Variants in OSBPL3 observed in about 807,000 individuals in gnomAD.
OSBPL3 encodes oxysterol binding protein like 3, also known as oxysterol-binding protein-related protein 3.
In OSBPL3, 65 loss-of-function variants were observed where a neutral mutation model predicts 120.1. That is an observed-to-expected ratio of 0.54 (90% CI 0.44 to 0.67). The LOEUF (loss-of-function observed/expected upper bound fraction) is 0.67, where lower values mean the gene tolerates loss of function less well. OSBPL3 is among the 30% of genes least tolerant of loss of function. The pLI is 0.00. For synonymous variants in OSBPL3, 416 were observed against 402.6 expected (o/e 1.03, Z -0.40); for missense variants, 1,004 against 1,082.1 (o/e 0.93, Z 1.01).
At chr7:24,800,453 CT>C (rs766653677) in intron 22 of OSBPL3, among the ~76,000 whole-genome samples, 174 bp from the exon 23 acceptor site, 16,136 of 119,410 alleles carry the variant, frequency 0.14, 790 homozygotes, top group South Asian at 0.19. Context: ...AATTTTGTTA[CT>C]TTTTTTTTTT....
intron 22 of OSBPL3, among the ~76,000 whole-genome samples, chr7:24,801,034 AG>A (rs1182346832): frequency 6.6e-6 from 1 of 150,524 alleles, no homozygotes; most frequent in Non-Finnish European, 1.5e-5. Context: ...CGAGGTCAGG[AG>A]TTCAAGACCA....
rs1284946263 is a variant in OSBPL3 at position 24,834,653 on chromosome 7, T to C, written c.1579A>G (p.Ser527Gly). The C allele has an allele frequency of 6.2e-7, 1 of 1,614,206 alleles. No individual in the cohort carries two copies. The highest frequency in any genetic ancestry group is 8.5e-7 in the Non-Finnish European group (1 of 1,180,030). ...PAPCPSSSNI[S>G]LWNILRNNIG... is the part of the protein sequence containing the mutation. ...TTGTTCCTCAGGATGTTCCACAGGC[T>C]GATGTTACTGCTGCTCGGGCAGGGC... Residue 527 changes from serine (S) to glycine (G), a missense_variant, in exon 15 of 23, where the codon AGC (serine) becomes GGC (glycine). Around this residue, in one of 4 missense-constraint regions of OSBPL3, gnomAD observed 473 missense variants for 568.0 expected, o/e 0.83. Coordinates refer to ENST00000313367, the MANE Select transcript of OSBPL3 (RefSeq NM_015550.4). The surrounding 1 kb of genome is among the most constrained non-coding windows in gnomAD (Gnocchi z 5.2).
At chr7:24,949,720 C>T (rs1197781712) in intron 1 of OSBPL3, among the ~76,000 whole-genome samples, 2 of 152,090 alleles carry the variant, frequency 1.3e-5, no homozygotes, top group Non-Finnish European at 2.9e-5. Flanking sequence ...CCCAGAAAGG[C>T]GGAAGTACAA....
chr7:24,910,421 C>A (rs1227640157), intron 1 of OSBPL3, among the ~76,000 whole-genome samples: 1 of 152,292 alleles, frequency 6.6e-6, no homozygotes, highest in South Asian at 2.1e-4. Flanking sequence ...ACTTGTCCTT[C>A]AACACCTTAC....
intron 2 of OSBPL3, among the ~76,000 whole-genome samples, chr7:24,887,160 A>G (rs1804644945): frequency 2.0e-5 from 3 of 152,200 alleles, no homozygotes; most frequent in Admixed American, 2.0e-4. Flanking sequence ...TAGCTAAAGG[A>G]ATAGTGGAGC....
chr7:24,845,484 C>T (rs928777132), intron 12 of OSBPL3, among the ~76,000 whole-genome samples: 2 of 141,908 alleles, frequency 1.4e-5, no homozygotes, highest in East Asian at 2.0e-4. Flanking sequence ...TGAATTATGG[C>T]CTTTTTCCAT....
Position 24,815,811 on chromosome 7 carries a change from G to A in OSBPL3, c.2028-608C>T, listed in dbSNP as rs1794399538. Among the ~76,000 whole-genome samples the A allele has an allele frequency of 6.6e-6, 1 of 152,048 alleles. No individual in the cohort carries two copies. The highest frequency in any genetic ancestry group is 2.4e-5 in the African/African-American group (1 of 41,398). The stretch of plus-strand genomic sequence containing the variant: ...TTTATTATTCTCTTTTTCTAGATGG[G>A]GAAACTGGTGATGAGAAAGGTGAAG... On this transcript the variant is annotated intron_variant, in intron 18 of 22. Transcript: ENST00000313367. This position sits in a 1 kb window ranked among gnomAD's most constrained non-coding sequence, Gnocchi z 5.1.
chr7:24,824,077 T>C lies in OSBPL3; in HGVS notation c.1885-3839A>G, dbSNP rs1327554882. The stretch of plus-strand genomic sequence containing the variant: ...CAATTTAGACTTTTTTTTTAAGCAT[T>C]CTTCCCTATCACGTCCTCTCCAATC... On this transcript the variant is annotated intron_variant, in intron 16 of 22. Coordinates refer to ENST00000313367, the MANE Select transcript of OSBPL3 (RefSeq NM_015550.4). The surrounding 1 kb of genome is among the most constrained non-coding windows in gnomAD (Gnocchi z 4.9). Among the ~76,000 whole-genome samples, 1 of 152,210 alleles carries C rather than the reference T, an allele frequency of 6.6e-6. No homozygotes were observed. Among genetic ancestry groups the C allele is most frequent in the Non-Finnish European group, 1.5e-5 (1 of 68,048 alleles).
At chr7:24,909,786 T>TCTTG (rs58259009) in intron 1 of OSBPL3, among the ~76,000 whole-genome samples, 1 of 58,282 alleles carries the variant, frequency 1.7e-5, no homozygotes. Flanking sequence ...TTTCTTTCTT[T>TCTTG]TTTTTTTTTT....
intron 1 of OSBPL3, among the ~76,000 whole-genome samples, chr7:24,908,956 T>A (rs2128409854): frequency 6.6e-6 from 1 of 152,366 alleles, no homozygotes; most frequent in East Asian, 1.9e-4. Flanking sequence ...CAACACTATC[T>A]GTGCTGTAGT....
intron 1 of OSBPL3, among the ~76,000 whole-genome samples, chr7:24,908,229 C>T (rs1408919475): frequency 6.6e-6 from 1 of 152,182 alleles, no homozygotes; most frequent in Non-Finnish European, 1.5e-5. Context: ...CTTGTTGGCT[C>T]AGAAAGAAAC....
At chr7:24,826,146 G>T (rs142307347) in intron 16 of OSBPL3, among the ~76,000 whole-genome samples, 270 of 152,322 alleles carry the variant, frequency 1.8e-3, no homozygotes, top group African/African-American at 6.3e-3. Flanking sequence ...GGAGGACGCA[G>T]CAAGCAGGGA....
At chr7:24,846,431 A>C (rs539418460) in intron 12 of OSBPL3, among the ~76,000 whole-genome samples, 1 of 152,350 alleles carries the variant, frequency 6.6e-6, no homozygotes, top group South Asian at 2.1e-4. Context: ...TTTGTGAGGT[A>C]ATGTATTCAA....
rs1281454577 is a variant in OSBPL3 at position 24,959,011 on chromosome 7, T to C, written c.-150+20875A>G. Among the ~76,000 whole-genome samples, 5 of 152,312 alleles carry C rather than the reference T, an allele frequency of 3.3e-5. No homozygotes were observed. The highest frequency in any genetic ancestry group is 7.2e-5 in the African/African-American group (3 of 41,568). On this transcript the variant is annotated intron_variant, in intron 1 of 22. Transcript: ENST00000313367. This position sits in a 1 kb window ranked among gnomAD's most constrained non-coding sequence, Gnocchi z 4.3. ...TCAAAGTATTAAGGGGATTACAGACTTCTTTTCTATAATCCATGAATTGTA... is the reference window on the plus strand; with the variant it reads ...TCAAAGTATTAAGGGGATTACAGACCTCTTTTCTATAATCCATGAATTGTA...
Position 24,899,269 on chromosome 7 carries a change from T to A in OSBPL3, c.-149-6648A>T, listed in dbSNP as rs1171771838. Reference sequence around the variant, plus strand: ...AGCAGAAGAGAAGGCAATGACAATCTTCCTGGCCTCAACCACACTGCAACT... The same window carrying A: ...AGCAGAAGAGAAGGCAATGACAATCATCCTGGCCTCAACCACACTGCAACT... On this transcript the variant is annotated intron_variant, in intron 1 of 22. Transcript: ENST00000313367. The surrounding 1 kb of genome is among the most constrained non-coding windows in gnomAD (Gnocchi z 4.0). Among the ~76,000 whole-genome samples, 4 of 152,200 alleles carry A rather than the reference T, an allele frequency of 2.6e-5. No homozygotes were observed. Among genetic ancestry groups the A allele is most frequent in the Non-Finnish European group, 5.9e-5 (4 of 68,024 alleles).
In OSBPL3 at chr7:24,865,924, G is replaced by C. The variant is rs1015379336; in HGVS notation, c.549+146C>G. 2 of 642,218 alleles carry C rather than the reference G, an allele frequency of 3.1e-6. 1 individual carries two copies. Among genetic ancestry groups the C allele is most frequent in the Middle Eastern group, 5.4e-4 (2 of 3,690 alleles). The allele number at this position is 642,218 out of a possible 1,614,324, so 39.8% of individuals were successfully genotyped here. The stretch of plus-strand genomic sequence containing the variant: ...GTCTGGTCTTGGTTCTGACTCAGTG[G>C]GCAAACAGACTAATTAAATACCAGC... On this transcript the variant is annotated intron_variant, in intron 6 of 22. Coordinates refer to ENST00000313367, the MANE Select transcript of OSBPL3 (RefSeq NM_015550.4).
At chr7:24,975,770 G>A (rs1294939453) in intron 1 of OSBPL3, among the ~76,000 whole-genome samples, 1 of 152,218 alleles carries the variant, frequency 6.6e-6, no homozygotes, top group African/African-American at 2.4e-5. Context: ...ATCAGAAACT[G>A]AACTGGGAAG....
In OSBPL3 at chr7:24,937,409, A is replaced by G. The variant is rs1812554878; in HGVS notation, c.-150+42477T>C. Among the ~76,000 whole-genome samples, 1 of 152,230 alleles carries G rather than the reference A, an allele frequency of 6.6e-6. No individual in the cohort carries two copies. The highest frequency in any genetic ancestry group is 1.5e-5 in the Non-Finnish European group (1 of 68,036). The stretch of plus-strand genomic sequence containing the variant: ...TATTATGAATGGGCTCATTCTGTAT[A>G]TAATCCCCAATTTGACTTTTATGTT... On this transcript the variant is annotated intron_variant, in intron 1 of 22. Transcript: ENST00000313367. This position sits in a 1 kb window ranked among gnomAD's most constrained non-coding sequence, Gnocchi z 4.0.
intron 1 of OSBPL3, among the ~76,000 whole-genome samples, chr7:24,925,496 A>G (rs1012766763): frequency 6.6e-6 from 1 of 152,202 alleles, no homozygotes; most frequent in African/African-American, 2.4e-5. Context: ...CTTCCTTTTA[A>G]GCAGCCAGTG....
Sources: allele counts gnomAD v4.1 joint callset (sites outside exome capture counted in the v4.1 genomes callset), GRCh38; gene constraint gnomAD v4.1.1; regional missense constraint gnomAD v4.1.1; non-coding constraint Gnocchi (gnomAD v3.1); transcripts MANE v1.5; gene names NCBI Gene and HGNC (gene_info 2026-07-23, HGNC 2026-07-21).